PKP2: variants seen among roughly 807,000 people sequenced by gnomAD.
PKP2 encodes the protein plakophilin-2.
PKP2 carries 73 observed loss-of-function variants against 83.4 expected under a neutral mutation model. The observed-to-expected ratio is 0.88, with a 90% CI of 0.72 to 1.06. PKP2 has a LOEUF of 1.06. Among genes scored for constraint, PKP2 ranks in the 50% least tolerant of loss-of-function variants. The probability of loss-of-function intolerance (pLI) is 0.00; values close to 1 mark genes in which losing one functional copy is unlikely to be tolerated. For synonymous variants in PKP2, 409 were observed against 430.4 expected (o/e 0.95, Z 0.62); for missense variants, 966 against 1,065.4 (o/e 0.91, Z 1.30).
At position 32,822,620 on chromosome 12, in the gene PKP2, A is replaced by G; in HGVS notation, c.1686T>C (p.Asn562=). 5 of 1,614,074 alleles carry G rather than the reference A, an allele frequency of 3.1e-6. No homozygotes were observed. The highest frequency in any genetic ancestry group is 4.2e-6 in the Non-Finnish European group (5 of 1,179,982). Reference sequence around the variant, plus strand: ...AGAGGTTATGAAGAATGCACACACAATTCTCCGTGGCCTGAGAAAACAGGA... The same window carrying G: ...AGAGGTTATGAAGAATGCACACACAGTTCTCCGTGGCCTGAGAAAACAGGA... ...DYQPDDKATE[N]CVCILHNLSY... is the part of the protein sequence containing the mutation. Residue 562 remains asparagine, a synonymous_variant, in exon 8 of 13, where the codon AAT becomes AAC. Transcript: ENST00000340811.
intron 3 of PKP2, among the ~76,000 whole-genome samples, chr12:32,875,538 C>A (rs904851268): frequency 2.0e-5 from 3 of 151,898 alleles, no homozygotes; most frequent in African/African-American, 4.8e-5. Context: ...GTAGGTCATG[C>A]CTAAAAGCAT....
intron 9 of PKP2, among the ~76,000 whole-genome samples, chr12:32,813,361 C>T (rs1420122702): frequency 6.6e-6 from 1 of 152,178 alleles, no homozygotes; most frequent in African/African-American, 2.4e-5. Flanking sequence ...TTTGGGCCTT[C>T]AGATATGACT....
At chr12:32,839,850 G>A (rs908486840) in intron 6 of PKP2, among the ~76,000 whole-genome samples, 6 of 152,180 alleles carry the variant, frequency 3.9e-5, no homozygotes, top group East Asian at 1.9e-4. Context: ...AGATGGATTC[G>A]AGGAAGGCCA....
At chr12:32,888,493 CTTT>C (rs761228805) in intron 1 of PKP2, among the ~76,000 whole-genome samples, 1 of 144,146 alleles carries the variant, frequency 6.9e-6, no homozygotes. Context: ...TTTTCTTTTT[CTTT>C]TTTTTTTTTT....
chr12:32,876,702 G>C (rs1208514199), intron 3 of PKP2, among the ~76,000 whole-genome samples: 1 of 152,062 alleles, frequency 6.6e-6, no homozygotes, highest in Non-Finnish European at 1.5e-5. Context: ...GCTAATATTT[G>C]TATTGCTCGT....
In PKP2 at chr12:32,888,582, C is replaced by T. The variant is rs368973855; in HGVS notation, c.223+7927G>A. Among the ~76,000 whole-genome samples the T allele has an allele frequency of 1.9e-4, 29 of 151,654 alleles. No individual in the cohort carries two copies. The South Asian group carries it at 4.6e-3, about 24-fold the overall frequency. ...TCGGCTCACCGCAACCTCCACTTCC[C>T]GGGTTCAAGTGATTCTCCTGCCTCA... On this transcript the variant is annotated intron_variant, in intron 1 of 12. Transcript: ENST00000340811.
rs368280823 is a variant in PKP2 at position 32,792,417 on chromosome 12, A to G, written c.*7T>C. The G allele has an allele frequency of 1.9e-6, 3 of 1,609,350 alleles. No individual in the cohort carries two copies. The highest frequency in any genetic ancestry group is 2.7e-5 in the African/African-American group (2 of 74,760). On this transcript the variant is annotated 3_prime_UTR_variant, in exon 13 of 13. Coordinates refer to ENST00000340811, the MANE Select transcript of PKP2 (RefSeq NM_001005242.3). Reference sequence around the variant, plus strand: ...TTTTTGCAGCCGAGAATACTTTGTCATTTTCCTCAGTCTTTAAGGGAGTGG... The same window carrying G: ...TTTTTGCAGCCGAGAATACTTTGTCGTTTTCCTCAGTCTTTAAGGGAGTGG...
intron 1 of PKP2, among the ~76,000 whole-genome samples, chr12:32,880,087 A>C (rs1314128594): frequency 6.6e-6 from 1 of 151,110 alleles, no homozygotes; most frequent in East Asian, 1.9e-4. Context: ...ACTCAGCACT[A>C]CTAGATAAGA....
rs560968998 is a variant in PKP2, at chr12:32,845,894, C to T, written c.1379-4689G>A. On this transcript the variant is annotated intron_variant, in intron 5 of 12. Coordinates refer to ENST00000340811, the MANE Select transcript of PKP2 (RefSeq NM_001005242.3). Reference sequence around the variant, plus strand: ...TAACTGGAATATCAGATTATTGAAACGGCCACGTATTCCAAGTTATATATA... The same window carrying T: ...TAACTGGAATATCAGATTATTGAAATGGCCACGTATTCCAAGTTATATATA... Among the ~76,000 whole-genome samples, 7 of 152,180 alleles carry T rather than the reference C, an allele frequency of 4.6e-5. No homozygotes were observed. In the East Asian group the frequency reaches 5.8e-4, roughly 13 times the overall value.
chr12:32,824,371 T>C, intron 6 of PKP2: 2 of 567,016 alleles, frequency 3.5e-6, no homozygotes, highest in Non-Finnish European at 6.3e-6. Context: ...CAACACGTAA[T>C]TGTGTCATAA....
intron 9 of PKP2, among the ~76,000 whole-genome samples, chr12:32,803,536 T>C (rs1334587676): frequency 1.3e-5 from 2 of 152,248 alleles, no homozygotes; most frequent in Non-Finnish European, 2.9e-5. Flanking sequence ...ATTAAGTTAG[T>C]TGGGTAGTAT....
intron 4 of PKP2, among the ~76,000 whole-genome samples, chr12:32,853,484 G>T (rs895357151): frequency 6.8e-6 from 1 of 147,638 alleles, no homozygotes. Flanking sequence ...TTATTTCATG[G>T]TAAGGTTTTA....
At chr12:32,842,721 C>A (rs575148223) in intron 5 of PKP2, among the ~76,000 whole-genome samples, 7 of 152,002 alleles carry the variant, frequency 4.6e-5, no homozygotes, top group Admixed American at 3.9e-4. Flanking sequence ...GTTGCCAAGG[C>A]TGAAGTGCGG....
At chr12:32,888,493 CT>C (rs761228805) in intron 1 of PKP2, among the ~76,000 whole-genome samples, 203 of 143,928 alleles carry the variant, frequency 1.4e-3, no homozygotes, top group Middle Eastern at 3.6e-3. Context: ...TTTTCTTTTT[CT>C]TTTTTTTTTT....
chr12:32,799,552 G>A (rs73301713), intron 10 of PKP2, among the ~76,000 whole-genome samples: 2,324 of 152,212 alleles, frequency 0.015, 53 homozygotes, highest in African/African-American at 0.053. Flanking sequence ...ATCAACCAAC[G>A]AGTGGATACA....
At chr12:32,821,262 T>C (rs1255287450) in intron 9 of PKP2, 94 bp downstream of exon 9, 13 of 1,166,720 alleles carry the variant, frequency 1.1e-5, no homozygotes, top group African/African-American at 1.5e-5. Flanking sequence ...AAGAAACCTT[T>C]TTCTCTTCCC....
At chr12:32,865,932 A>C (rs924697421) in intron 4 of PKP2, among the ~76,000 whole-genome samples, 3 of 152,166 alleles carry the variant, frequency 2.0e-5, no homozygotes, top group African/African-American at 7.2e-5. Context: ...TAACATTTAC[A>C]AAACTTCTAG....
intron 1 of PKP2, among the ~76,000 whole-genome samples, chr12:32,883,402 A>C (rs989496484): frequency 6.6e-6 from 1 of 152,254 alleles, no homozygotes; most frequent in African/African-American, 2.4e-5. Flanking sequence ...AAATTTTTTT[A>C]AAGTAAATAC....
rs765756156 is a variant in PKP2, at chr12:32,878,063, G to A, written c.817C>T (p.Pro273Ser). The A allele has an allele frequency of 6.2e-7, 1 of 1,614,000 alleles. No individual in the cohort carries two copies. Among genetic ancestry groups the A allele is most frequent in the Non-Finnish European group, 8.5e-7 (1 of 1,180,046 alleles). The change falls in exon 3 of 13, where the codon CCG becomes TCG. Residue 273 changes from proline to serine, a missense_variant. Coordinates refer to ENST00000340811, the MANE Select transcript of PKP2 (RefSeq NM_001005242.3). Reference protein sequence around the residue: ...TAGLTVGQVRPLVPLQPVTQN... With the variant: ...TAGLTVGQVRSLVPLQPVTQN... ...GTGACGGGCTGCAGGGGCACCAGCG[G>A]CCTGACCTGCCCGACAGTGAGCCCT...
Sources: allele counts gnomAD v4.1 joint callset (sites outside exome capture counted in the v4.1 genomes callset), GRCh38; gene constraint gnomAD v4.1.1; transcripts MANE v1.5; gene names NCBI Gene and HGNC (gene_info 2026-07-23, HGNC 2026-07-21).